The following ROBO2 variants were observed in gnomAD, a reference collection of about 807,000 sequenced individuals.
The protein encoded by ROBO2 is roundabout homolog 2.
Under a neutral mutation model 160.8 loss-of-function variants are expected in ROBO2, and 53 were observed. The ratio of observed to expected loss-of-function variants is 0.33; its 90% CI spans 0.26 to 0.41. ROBO2 has a LOEUF of 0.41. Among genes scored for constraint, ROBO2 ranks in the 10% least tolerant of loss-of-function variants. The pLI is 1.00. For missense variants in ROBO2, 1,577 were observed against 1,722.4 expected (o/e 0.92, Z 1.49); for synonymous variants, 664 against 611.7 (o/e 1.09, Z -1.26).
intron 2 of ROBO2, among the ~76,000 whole-genome samples, chr3:76,620,324 C>T (rs1426015990): frequency 6.6e-6 from 1 of 152,078 alleles, no homozygotes. Flanking sequence ...TTACAGTTCT[C>T]AGATGAAGAT....
intron 1 of ROBO2, among the ~76,000 whole-genome samples, chr3:77,044,802 A>G (rs962705377): frequency 2.0e-5 from 3 of 152,210 alleles, no homozygotes; most frequent in Admixed American, 6.5e-5. Context: ...AAAAGTCGTC[A>G]TATCTGAGTT....
intron 2 of ROBO2, among the ~76,000 whole-genome samples, chr3:77,301,280 T>C (rs775635073): frequency 3.3e-5 from 5 of 152,120 alleles, no homozygotes; most frequent in Non-Finnish European, 5.9e-5. Flanking sequence ...TCCAATTTCC[T>C]AATATTATTA....
Position 76,985,574 on chromosome 3 carries a change from T to C in ROBO2, c.110-112440T>C, listed in dbSNP as rs866855695. 8.2e-4 allele frequency among the ~76,000 whole-genome samples: 37 copies of C among 44,904 alleles called. 1 individual carries two copies. In the South Asian group the frequency reaches 0.03, roughly 37 times the overall value. 29.5% of individuals were successfully genotyped at this position (44,904 alleles called of 152,430 possible). A position where few individuals can be genotyped will look rare whatever the true frequency, so the allele number is the denominator to read the frequency against. ...CTGGGCGACAAAGCGAGACTCCGTC[T>C]GAAAAAAAAAAAAAAAAAAAAAAAA... On this transcript the variant is annotated intron_variant, in intron 2 of 26. Transcript: ENST00000487694.
intron 2 of ROBO2, among the ~76,000 whole-genome samples, chr3:76,025,000 G>A (rs925107256): frequency 6.7e-6 from 1 of 149,572 alleles, no homozygotes; most frequent in African/African-American, 2.4e-5. Context: ...TCTTTATTTG[G>A]CATATTTAAT....
intron 2 of ROBO2, among the ~76,000 whole-genome samples, chr3:77,024,267 A>G (rs2062813563): frequency 6.6e-6 from 1 of 152,334 alleles, no homozygotes; most frequent in East Asian, 1.9e-4. Flanking sequence ...TTGGAAGAGG[A>G]CACAGGATGG....
intron 13 of ROBO2, among the ~76,000 whole-genome samples, chr3:77,571,935 A>G (rs2093647063): frequency 6.6e-6 from 1 of 151,882 alleles, no homozygotes; most frequent in Admixed American, 6.6e-5. Context: ...ACTGCACACA[A>G]TCAAGTTAAA....
At chr3:76,214,371 TCACCC>T (rs1464608757) in intron 2 of ROBO2, among the ~76,000 whole-genome samples, 2 of 152,164 alleles carry the variant, frequency 1.3e-5, no homozygotes, top group African/African-American at 2.4e-5. Flanking sequence ...AGGCATTGCC[TCACCC>T]AGGAAGCACA....
chr3:77,419,224 C>T (rs1468761243), intron 2 of ROBO2, among the ~76,000 whole-genome samples: 1 of 152,002 alleles, frequency 6.6e-6, no homozygotes, highest in African/African-American at 2.4e-5. Context: ...CATACTTTGT[C>T]AGCTCACAGA....
At chr3:76,127,902 T>TTC (rs1488385294) in intron 2 of ROBO2, among the ~76,000 whole-genome samples, 1 of 145,906 alleles carries the variant, frequency 6.9e-6, no homozygotes, top group Non-Finnish European at 1.5e-5. Context: ...TTCTTTTTTT[T>TTC]TTTTTTTTTT....
chr3:75,907,743 G>C (rs1946408419), intron 1 of ROBO2, among the ~76,000 whole-genome samples: 1 of 152,084 alleles, frequency 6.6e-6, no homozygotes, highest in Non-Finnish European at 1.5e-5. Flanking sequence ...GAAGAACTTT[G>C]GGGAAAGGGA....
At chr3:77,081,138 AT>A (rs2068612372) in intron 1 of ROBO2, among the ~76,000 whole-genome samples, 2 of 152,216 alleles carry the variant, frequency 1.3e-5, no homozygotes, top group African/African-American at 4.8e-5. Flanking sequence ...ACTATCAAGT[AT>A]TTTGATATCC....
chr3:76,265,258 A>G (rs1707027090), intron 2 of ROBO2, among the ~76,000 whole-genome samples: 7 of 152,080 alleles, frequency 4.6e-5, no homozygotes, highest in Admixed American at 4.6e-4. Flanking sequence ...TTTAGGATCT[A>G]ATACAAAACA....
chr3:76,922,038 G>A (rs112390375), intron 2 of ROBO2, among the ~76,000 whole-genome samples: 11 of 152,234 alleles, frequency 7.2e-5, no homozygotes, highest in Non-Finnish European at 1.3e-4. Flanking sequence ...AAGGCCAGGC[G>A]CGATGGTTCA....
chr3:77,475,635 AG>A (rs2153583621), intron 2 of ROBO2, among the ~76,000 whole-genome samples: 2 of 152,328 alleles, frequency 1.3e-5, no homozygotes, highest in South Asian at 4.1e-4. Context: ...CGGATATTGT[AG>A]GGGTGCTCAT....
At chr3:76,992,368 T>TAA (rs1164689478) in intron 2 of ROBO2, among the ~76,000 whole-genome samples, 24 of 38,262 alleles carry the variant, frequency 6.3e-4, no homozygotes, top group South Asian at 2.6e-3. Context: ...TATATATATA[T>TAA]AAATTTAGCT....
rs71101865 is a variant in ROBO2, at chr3:75,927,976, C to CT, written c.-13-9479dup. 1.3e-4 allele frequency among the ~76,000 whole-genome samples: 14 copies of CT among 103,996 alleles called. 2 individuals are homozygous for CT. Among genetic ancestry groups the CT allele is most frequent in the African/African-American group, 4.3e-4 (11 of 25,556 alleles). 68.2% of individuals were successfully genotyped at this position (103,996 alleles called of 152,430 possible). ...TAGCCTTTCTTTAATGATTTTCTCT[C>CT]TTTTTTTTTTTTTTTTTTTTTTTTT... On this transcript the variant is annotated intron_variant, in intron 1 of 26. Coordinates refer to the ROBO2 transcript ENST00000487694.
intron 2 of ROBO2, among the ~76,000 whole-genome samples, chr3:77,098,618 C>A (rs191755164): frequency 6.6e-6 from 1 of 151,944 alleles, no homozygotes; most frequent in East Asian, 2.0e-4. Flanking sequence ...GAGGCGGAGG[C>A]GGGCGGATCA....
intron 2 of ROBO2, among the ~76,000 whole-genome samples, chr3:76,772,376 A>G (rs1051560666): frequency 6.6e-6 from 1 of 150,508 alleles, no homozygotes; most frequent in Non-Finnish European, 1.5e-5. Context: ...ACACATTTAT[A>G]TGTATATAAA....
At chr3:77,476,428 T>C (rs578219618) in intron 2 of ROBO2, among the ~76,000 whole-genome samples, 1 of 151,794 alleles carries the variant, frequency 6.6e-6, no homozygotes, top group East Asian at 1.9e-4. Flanking sequence ...TACCTCAAGG[T>C]ACTTTGGAAC....
Sources: allele counts gnomAD v4.1 joint callset (sites outside exome capture counted in the v4.1 genomes callset), GRCh38; gene constraint gnomAD v4.1.1; transcripts MANE v1.5; gene names NCBI Gene and HGNC (gene_info 2026-07-23, HGNC 2026-07-21).